Variants in CLVS1 observed in about 807,000 individuals in gnomAD.
The protein encoded by CLVS1 is clavesin-1.
A neutral mutation model predicts 33.1 loss-of-function variants in CLVS1; 10 were observed. The observed-to-expected ratio is 0.30, with a 90% CI of 0.19 to 0.51. The LOEUF is 0.51. Among genes scored for constraint, CLVS1 ranks in the 20% least tolerant of loss-of-function variants. The probability of loss-of-function intolerance (pLI) is 0.97; values close to 1 mark genes in which losing one functional copy is unlikely to be tolerated. For missense variants in CLVS1, 343 were observed against 433.4 expected (o/e 0.79, Z 1.85); for synonymous variants, 163 against 166.1 (o/e 0.98, Z 0.14).
chr8:61,067,636 A>C (rs1475397440), intron 1 of CLVS1, among the ~76,000 whole-genome samples: 1 of 152,118 alleles, frequency 6.6e-6, no homozygotes, highest in African/African-American at 2.4e-5. Flanking sequence ...TTGGGAGGCC[A>C]AGGTGGGAGG....
chr8:61,336,700 G>T (rs1461636472), intron 2 of CLVS1, among the ~76,000 whole-genome samples: 1 of 152,030 alleles, frequency 6.6e-6, no homozygotes, highest in Non-Finnish European at 1.5e-5. Flanking sequence ...GGAAAGAAAA[G>T]GAGCCAAATA....
chr8:61,155,813 T>A (rs1254097347), intron 2 of CLVS1, among the ~76,000 whole-genome samples: 2 of 129,740 alleles, frequency 1.5e-5, no homozygotes, highest in African/African-American at 6.6e-5. Context: ...AAAAGGAGAC[T>A]AAAAGCCTGA....
At chr8:60,990,298 T>G in the CLVS1 span, among the ~76,000 whole-genome samples, 1 of 152,130 alleles carries the variant, frequency 6.6e-6, no homozygotes, top group South Asian at 2.1e-4. Context: ...GAGGTCTGAT[T>G]ATGGTCTGGA....
chr8:61,166,701 C>G (rs912949569), intron 2 of CLVS1, among the ~76,000 whole-genome samples: 2 of 152,052 alleles, frequency 1.3e-5, no homozygotes, highest in African/African-American at 4.8e-5. Context: ...ACTCTTTCCT[C>G]AGTCTTACCT....
intron 2 of CLVS1, chr8:61,202,289 T>C: frequency 1.6e-6 from 1 of 619,178 alleles, no homozygotes. Context: ...GGCTGTTCTC[T>C]GGAGCAGCAT....
chr8:60,974,541 G>A, the CLVS1 span, among the ~76,000 whole-genome samples: 1 of 152,090 alleles, frequency 6.6e-6, no homozygotes, highest in African/African-American at 2.4e-5. Flanking sequence ...ACCTTGATGT[G>A]ATACAGTTTT....
At chr8:60,992,556 G>A in the CLVS1 span, among the ~76,000 whole-genome samples, 2 of 152,308 alleles carry the variant, frequency 1.3e-5, no homozygotes, top group Admixed American at 6.5e-5. Flanking sequence ...CATTTGTACT[G>A]GAGAGAAAAA....
chr8:60,971,374 C>T, the CLVS1 span, among the ~76,000 whole-genome samples: 4 of 152,192 alleles, frequency 2.6e-5, no homozygotes, highest in South Asian at 2.1e-4. Context: ...CCACTGTGCC[C>T]GGCCTACTTT....
rs111951108 is a variant in CLVS1 at position 61,430,875 on chromosome 8, T to A, written c.631-23266T>A. Reference sequence around the variant, plus strand: ...TTCAGTTCTTCTGTTCTTATTTTCTTCTAGCAAGAAATCAGTGGGCTTCTC... The same window carrying A: ...TTCAGTTCTTCTGTTCTTATTTTCTACTAGCAAGAAATCAGTGGGCTTCTC... On this transcript the variant is annotated intron_variant, in intron 3 of 5. Transcript: ENST00000325897. Among the ~76,000 whole-genome samples the A allele has an allele frequency of 4.2e-3, 644 of 152,288 alleles. 3 individuals carry two copies. Among genetic ancestry groups the A allele is most frequent in the Non-Finnish European group, 6.2e-3 (424 of 68,030 alleles).
the CLVS1 span, among the ~76,000 whole-genome samples, chr8:61,006,125 C>A: frequency 6.6e-6 from 1 of 152,160 alleles, no homozygotes; most frequent in South Asian, 2.1e-4. Flanking sequence ...AGGACTAGCA[C>A]ATTACCGATT....
chr8:61,121,917 A>T (rs1215480489), intron 1 of CLVS1, among the ~76,000 whole-genome samples: 1 of 152,256 alleles, frequency 6.6e-6, no homozygotes, highest in African/African-American at 2.4e-5. Context: ...TCCTTCGAGA[A>T]AAAAAGTGCC....
the CLVS1 span, among the ~76,000 whole-genome samples, chr8:61,037,497 T>A: frequency 1.3e-5 from 2 of 152,196 alleles, no homozygotes; most frequent in South Asian, 2.1e-4. Flanking sequence ...TATCCCCTTG[T>A]ATTTATGTGC....
chr8:61,135,777 A>G (rs1183488628), intron 2 of CLVS1, among the ~76,000 whole-genome samples: 1 of 152,228 alleles, frequency 6.6e-6, no homozygotes. Context: ...ATCGGTGAGT[A>G]GAAGCTTGAA....
intron 5 of CLVS1, among the ~76,000 whole-genome samples, chr8:61,493,852 T>G (rs1056510089): frequency 1.3e-5 from 2 of 152,172 alleles, no homozygotes; most frequent in African/African-American, 4.8e-5. Flanking sequence ...GGGTAGAACC[T>G]GATTCAAATG....
At chr8:61,144,831 GT>G (rs1806382776) in intron 2 of CLVS1, among the ~76,000 whole-genome samples, 1 of 152,194 alleles carries the variant, frequency 6.6e-6, no homozygotes, top group Admixed American at 6.5e-5. Flanking sequence ...CTGGGTTCAG[GT>G]GATTCTTCTG....
chr8:61,179,121 A>G (rs1232930292), intron 2 of CLVS1, among the ~76,000 whole-genome samples: 3 of 152,346 alleles, frequency 2.0e-5, no homozygotes, highest in Non-Finnish European at 4.4e-5. Context: ...GCAAAGACAC[A>G]CATAGGCTCA....
chr8:61,086,861 C>T (rs1353389911), intron 1 of CLVS1, among the ~76,000 whole-genome samples: 1 of 152,200 alleles, frequency 6.6e-6, no homozygotes, highest in Non-Finnish European at 1.5e-5. Context: ...GCTTTCACCC[C>T]TGTATCCAGA....
intron 1 of CLVS1, among the ~76,000 whole-genome samples, chr8:61,084,068 TA>T (rs1805074528): frequency 6.6e-6 from 1 of 152,158 alleles, no homozygotes; most frequent in African/African-American, 2.4e-5. Flanking sequence ...GGGTAAATAA[TA>T]ACATCCTTAG....
intron 1 of CLVS1, among the ~76,000 whole-genome samples, chr8:61,106,922 G>A (rs1805548637): frequency 1.3e-5 from 2 of 152,108 alleles, no homozygotes; most frequent in Admixed American, 1.3e-4. Context: ...ACCAGGAAAG[G>A]GTGAACATAC....
Sources: gnomAD v4.1 joint callset for allele counts (sites outside exome capture counted in the v4.1 genomes callset) on GRCh38, gnomAD v4.1.1 for gene constraint, MANE v1.5 for transcripts, NCBI Gene and HGNC (gene_info 2026-07-23, HGNC 2026-07-21) for gene names.